Variants in PPP1R42 observed in about 807,000 individuals in gnomAD.
PPP1R42 encodes protein phosphatase 1 regulatory subunit 42, also known as leucine rich repeat containing 67.
A neutral mutation model predicts 31.0 loss-of-function variants in PPP1R42; 34 were observed. The ratio of observed to expected loss-of-function variants is 1.10; its 90% CI spans 0.83 to 1.46. The LOEUF is 1.46. Ranked by LOEUF, PPP1R42 falls within the 40% of genes most tolerant of loss-of-function variation. The probability of loss-of-function intolerance (pLI) is 0.00; values close to 1 mark genes in which losing one functional copy is unlikely to be tolerated. For missense variants in PPP1R42, 268 were observed against 303.0 expected (o/e 0.88, Z 0.86); for synonymous variants, 103 against 109.8 (o/e 0.94, Z 0.39).
chr8:66,988,587 T>C (rs1292174400), intron 5 of PPP1R42, 70 bp from the exon 6 acceptor site: 2 of 1,399,148 alleles, frequency 1.4e-6, no homozygotes, highest in African/African-American at 1.5e-5. Flanking sequence ...ATGTCAGTTA[T>C]TGTTTTTAAA....
intron 1 of PPP1R42, among the ~76,000 whole-genome samples, chr8:67,028,250 C>G (rs1348005971): frequency 6.6e-6 from 1 of 152,204 alleles, no homozygotes; most frequent in Non-Finnish European, 1.5e-5. Context: ...CTCAGCCCCG[C>G]GACCACCCCT....
intron 1 of PPP1R42, among the ~76,000 whole-genome samples, chr8:67,019,473 C>CAA (rs1816140269): frequency 6.9e-6 from 1 of 145,132 alleles, no homozygotes. Context: ...CTCCTGACCT[C>CAA]GTGATCCACC....
chr8:66,973,945 C>T (rs780894857), intron 7 of PPP1R42, among the ~76,000 whole-genome samples: 4 of 152,164 alleles, frequency 2.6e-5, no homozygotes, highest in African/African-American at 9.7e-5. Context: ...AATAGTGTTC[C>T]GTGTTCCATT....
intron 6 of PPP1R42, among the ~76,000 whole-genome samples, chr8:66,986,654 T>A (rs1224660201): frequency 6.6e-6 from 1 of 152,244 alleles, no homozygotes; most frequent in Non-Finnish European, 1.5e-5. Context: ...TAAGCCTGTT[T>A]CTGCCAAGTT....
chr8:67,005,103 C>T (rs961955728), intron 5 of PPP1R42, among the ~76,000 whole-genome samples: 31 of 120,818 alleles, frequency 2.6e-4, no homozygotes, highest in African/African-American at 9.0e-4. Flanking sequence ...AATCCACCCA[C>T]TTTTTTTTTT....
chr8:67,001,206 C>T (rs1815473231), intron 5 of PPP1R42, among the ~76,000 whole-genome samples: 1 of 147,618 alleles, frequency 6.8e-6, no homozygotes, highest in Admixed American at 6.7e-5. Flanking sequence ...ATGTGTTTCT[C>T]TAGAGAGTAC....
Position 67,010,717 on chromosome 8 carries a change from T to C in PPP1R42, c.550A>G (p.Lys184Glu). Residue 184 changes from lysine to glutamate, a missense_variant and splice_region_variant, in exon 5 of 8, where the codon AAG becomes GAG. Physicochemically the swap from Lys to Glu is moderately conservative, Grantham distance 56. Coordinates refer to ENST00000685739, the MANE Select transcript of PPP1R42 (RefSeq NM_001364910.1). ...AAATTAATTTCTCTTTACACTACCT[T>C]CACATGCAGAAGTTGGTTGTCAACG... Reference protein sequence around the residue: ...IAVDNQLLHVKDLEFLLNKLM... With the variant: ...IAVDNQLLHVEDLEFLLNKLM... 6.4e-7 allele frequency: 1 copy of C among 1,570,702 alleles called. No homozygotes were observed. The highest frequency in any genetic ancestry group is 8.7e-7 in the Non-Finnish European group (1 of 1,148,902).
At chr8:67,012,112 T>G (rs919061599) in intron 4 of PPP1R42, among the ~76,000 whole-genome samples, 1 of 152,156 alleles carries the variant, frequency 6.6e-6, no homozygotes, top group Non-Finnish European at 1.5e-5. Flanking sequence ...GGCGCACGCC[T>G]GTAGTCCCAG....
chr8:66,985,711 G>C, intron 6 of PPP1R42: 1 of 1,333,972 alleles, frequency 7.5e-7, no homozygotes, highest in South Asian at 1.2e-5. Context: ...GGAGGAAGAA[G>C]GAGTCTTTGG....
intron 7 of PPP1R42, 33 bp downstream of exon 7, chr8:66,982,016 G>A (rs1814856445): frequency 7.6e-7 from 1 of 1,316,208 alleles, no homozygotes; most frequent in African/African-American, 1.5e-5. Context: ...TTTGCTAGAA[G>A]AGCAGTCACC....
chr8:67,023,577 T>C (rs1816288675), intron 1 of PPP1R42, among the ~76,000 whole-genome samples: 2 of 152,210 alleles, frequency 1.3e-5, no homozygotes, highest in Admixed American at 1.3e-4. Context: ...TAATTTTATT[T>C]TATAGAGTCT....
intron 5 of PPP1R42, 96 bp downstream of exon 5, chr8:67,010,619 T>G: frequency 1.2e-5 from 10 of 826,942 alleles, no homozygotes; most frequent in Admixed American, 2.6e-5. Context: ...CCAGAGTAGT[T>G]TTTAATGTGA....
At chr8:67,005,728 C>T (rs1222238949) in intron 5 of PPP1R42, among the ~76,000 whole-genome samples, 1 of 152,126 alleles carries the variant, frequency 6.6e-6, no homozygotes, top group East Asian at 1.9e-4. Context: ...AACCCACCCA[C>T]TCCTCTTCAT....
chr8:67,024,935 ATT>A (rs111426449), intron 1 of PPP1R42, among the ~76,000 whole-genome samples: 5,052 of 133,712 alleles, frequency 0.038, 271 homozygotes, highest in African/African-American at 0.13. Context: ...TAGGATTTTA[ATT>A]TTTTTTTTTT....
chr8:67,013,847 C>A (rs1230990984), intron 3 of PPP1R42, among the ~76,000 whole-genome samples: 1 of 152,206 alleles, frequency 6.6e-6, no homozygotes, highest in African/African-American at 2.4e-5. Context: ...ACTCTTGTGT[C>A]CCCATTCTGA....
At chr8:66,989,741 A>G (rs1213914674) in intron 5 of PPP1R42, among the ~76,000 whole-genome samples, 1 of 152,198 alleles carries the variant, frequency 6.6e-6, no homozygotes, top group Non-Finnish European at 1.5e-5. Flanking sequence ...TTTATGTGAA[A>G]ATATAAGACA....
chr8:66,973,391 C>T (rs1217260340), intron 7 of PPP1R42, among the ~76,000 whole-genome samples: 1 of 151,916 alleles, frequency 6.6e-6, no homozygotes, highest in Non-Finnish European at 1.5e-5. Flanking sequence ...GCAGCCTCTG[C>T]CTCCCAGGTT....
At chr8:67,018,825 C>CCCAT (rs1554542359) in intron 1 of PPP1R42, among the ~76,000 whole-genome samples, 4 of 48,406 alleles carry the variant, frequency 8.3e-5, no homozygotes, top group African/African-American at 3.4e-4. Context: ...CCCCCCCCCC[C>CCCAT]TTTTTTTTTT....
intron 7 of PPP1R42, among the ~76,000 whole-genome samples, chr8:66,981,568 A>G (rs766599366): frequency 2.6e-5 from 4 of 151,694 alleles, no homozygotes; most frequent in Non-Finnish European, 5.9e-5. Context: ...TTTAGTAGAG[A>G]CAGGGTTTCA....
Sources: allele counts gnomAD v4.1 joint callset (sites outside exome capture counted in the v4.1 genomes callset), GRCh38; gene constraint gnomAD v4.1.1; transcripts MANE v1.5; gene names NCBI Gene and HGNC (gene_info 2026-07-23, HGNC 2026-07-21).